Variants in PHLPP2 observed in about 807,000 individuals in gnomAD.
PHLPP2 encodes the protein PH domain and leucine rich repeat protein phosphatase 2.
A neutral mutation model predicts 124.9 loss-of-function variants in PHLPP2; 66 were observed. That is an observed-to-expected ratio of 0.53 (90% confidence interval 0.43 to 0.65). PHLPP2 has a LOEUF of 0.65. Ranked by LOEUF, PHLPP2 falls within the 30% of genes least tolerant of loss-of-function variation. The pLI is 0.00. For missense variants in PHLPP2, 1,685 were observed against 1,600.4 expected, an observed-to-expected ratio of 1.05 and a Z score of -0.90; for synonymous variants, 681 against 624.7, an observed-to-expected ratio of 1.09 and a Z score of -1.34.
chr16:71,646,295 A>G lies in PHLPP2; in HGVS notation c.*2595T>C, dbSNP rs746384000. On this transcript the variant is annotated 3_prime_UTR_variant, in exon 19 of 19. Transcript: ENST00000568954. Reference sequence around the variant, plus strand: ...TACAGAGCAACTGCAGAAGGACATGAATTAAAGCAGACTGCAAAAAAGAAT... The same window carrying G: ...TACAGAGCAACTGCAGAAGGACATGGATTAAAGCAGACTGCAAAAAAGAAT... 6.6e-6 allele frequency: 1 copy of G among 152,282 alleles called. No individual in the cohort carries two copies. The highest frequency in any genetic ancestry group is 2.4e-5 in the African/African-American group (1 of 41,476). The allele number at this position is 152,282 out of a possible 1,614,324, so 9.4% of individuals were successfully genotyped here. A position where few individuals can be genotyped will look rare whatever the true frequency, so the allele number is the denominator to read the frequency against.
Position 71,648,875 on chromosome 16 carries a change from T to C in PHLPP2, c.*15A>G. 3 of 1,595,676 alleles carry C rather than the reference T, an allele frequency of 1.9e-6. No individual in the cohort carries two copies. Among genetic ancestry groups the C allele is most frequent in the South Asian group, 2.2e-5 (2 of 90,358 alleles). On this transcript the variant is annotated 3_prime_UTR_variant, in exon 19 of 19. Transcript: ENST00000568954. ...CCCTGCACAGCCTCCTCCCACACTGTGCCCAGTGGGGCAGTCATAGTGCTG... is the reference window on the plus strand; with the variant it reads ...CCCTGCACAGCCTCCTCCCACACTGCGCCCAGTGGGGCAGTCATAGTGCTG...
rs999234620 is a variant in PHLPP2 at position 71,657,374 on chromosome 16, G to A, written c.2280-693C>T. Among the ~76,000 whole-genome samples the A allele has an allele frequency of 3.8e-4, 57 of 151,326 alleles. No homozygotes were observed. The Middle Eastern group carries it at 0.021, about 55-fold the overall frequency. On this transcript the variant is annotated intron_variant, in intron 15 of 18. Transcript: ENST00000568954. The stretch of plus-strand genomic sequence containing the variant: ...ATTACAGGCGTGAGCCACCACGCCC[G>A]GCCAACAATAATATTATCTTTTTTT...
At chr16:71,679,027 T>A in intron 7 of PHLPP2, 42 bp from the exon 8 acceptor site, 1 of 1,071,930 alleles carries the variant, frequency 9.3e-7, no homozygotes, top group Non-Finnish European at 1.4e-6. Flanking sequence ...ATGAAAGGTT[T>A]CACTGGAATG....
intron 18 of PHLPP2, 89 bp from the exon 19 acceptor site, chr16:71,650,133 A>T (rs2044686285): frequency 2.3e-6 from 2 of 880,202 alleles, no homozygotes; most frequent in Middle Eastern, 4.7e-4. Context: ...GGGAACTATA[A>T]TAAAACAATT....
At chr16:71,654,222 A>AAAAAAAAC (rs2044723362) in intron 17 of PHLPP2, among the ~76,000 whole-genome samples, 15 of 149,990 alleles carry the variant, frequency 1.0e-4, no homozygotes, top group Non-Finnish European at 1.3e-4. Flanking sequence ...AAAAAAAAAA[A>AAAAAAAAC]AAAAAACTAG....
chr16:71,656,751 A>G lies in PHLPP2; in HGVS notation c.2280-70T>C, dbSNP rs2044745339. The G allele has an allele frequency of 4.4e-6, 4 of 914,134 alleles. No individual in the cohort carries two copies. In the Admixed American group the frequency reaches 8.0e-5, roughly 18 times the overall value. The allele number at this position is 914,134 out of a possible 1,614,324, so 56.6% of individuals were successfully genotyped here. ...TTACAAAAACTATCCCAACAATAGT[A>G]TTCTTTTTTTTTTTTTGAGATGGAG... On this transcript the variant is annotated intron_variant, in intron 15 of 18. Transcript: ENST00000568954.
rs2045345478 is a variant in PHLPP2, at chr16:71,714,556, CT to C, written c.239del (p.Glu80GlyfsTer55). On this transcript the variant is annotated frameshift_variant, in exon 2 of 19. Transcript: ENST00000568954. LOFTEE classifies it high-confidence loss of function. Reference sequence around the variant, plus strand: ...GCTGTAAATAAAGACTTTCTCTTCCCTCTCCAGCACATATTTCTGATGCTGG... The same window carrying C: ...GCTGTAAATAAAGACTTTCTCTTCCCCTCCAGCACATATTTCTGATGCTGG... The part of the protein sequence containing the change: ...ETPASEICAG[E>X]GRESLYLQLH... 1.9e-6 allele frequency: 3 copies of C among 1,613,840 alleles called. No homozygotes were observed. Among genetic ancestry groups the C allele is most frequent in the Non-Finnish European group, 2.5e-6 (3 of 1,179,816 alleles).
At chr16:71,679,033 G>T in intron 7 of PHLPP2, 48 bp from the exon 8 acceptor site, 1 of 1,000,572 alleles carries the variant, frequency 1.0e-6, no homozygotes, top group Non-Finnish European at 1.6e-6. Flanking sequence ...GGTTTCACTG[G>T]AATGCACAGA....
At chr16:71,687,781 T>C (rs1434105209) in intron 4 of PHLPP2, among the ~76,000 whole-genome samples, 1 of 152,234 alleles carries the variant, frequency 6.6e-6, no homozygotes, top group African/African-American at 2.4e-5. Context: ...TCTTCACTTC[T>C]AGAAAATGTT....
chr16:71,717,086 TG>T (rs1181562063), intron 1 of PHLPP2, among the ~76,000 whole-genome samples: 2 of 152,222 alleles, frequency 1.3e-5, no homozygotes, highest in South Asian at 2.1e-4. Flanking sequence ...TGAACAAACT[TG>T]GGGGGGAAAA....
intron 3 of PHLPP2, among the ~76,000 whole-genome samples, chr16:71,693,998 G>C (rs1226971546): frequency 6.6e-6 from 1 of 152,126 alleles, no homozygotes; most frequent in Non-Finnish European, 1.5e-5. Flanking sequence ...TTCAAGACCA[G>C]TCTGGCCAAC....
intron 6 of PHLPP2, among the ~76,000 whole-genome samples, chr16:71,681,282 G>T (rs2044994996): frequency 6.6e-6 from 1 of 152,102 alleles, no homozygotes; most frequent in Non-Finnish European, 1.5e-5. Flanking sequence ...TAGTACTGTA[G>T]GGCTAAAATG....
rs1203187226 is a variant in PHLPP2 at position 71,714,764 on chromosome 16, T to G, written c.32A>C (p.Asn11Thr). Reference sequence around the variant, plus strand: ...TCGAGAACCAAACCTACTTCTCCTATTCAAACAATTTCTGCTCCCATTGCG... The same window carrying G: ...TCGAGAACCAAACCTACTTCTCCTAGTCAAACAATTTCTGCTCCCATTGCG... MKRNGSRNCLNRRSRFGSRER... is the reference protein window; with the variant it reads MKRNGSRNCLTRRSRFGSRER... Residue 11 changes from asparagine (N) to threonine (T), a missense_variant, in exon 2 of 19, where the codon AAT (asparagine) becomes ACT (threonine). By Grantham distance (65) the Asn-to-Thr change is moderately conservative. Transcript: ENST00000568954. 1 of 1,613,804 alleles carries G rather than the reference T, an allele frequency of 6.2e-7. No homozygotes were observed. Among genetic ancestry groups the G allele is most frequent in the Non-Finnish European group, 8.5e-7 (1 of 1,179,918 alleles).
chr16:71,667,111 T>C (rs2044845987), intron 12 of PHLPP2, 67 bp downstream of exon 12: 2 of 1,332,336 alleles, frequency 1.5e-6, no homozygotes, highest in Admixed American at 3.9e-5. Context: ...GTCACTCCAA[T>C]GATAAGTCAC....
intron 1 of PHLPP2, among the ~76,000 whole-genome samples, chr16:71,722,258 C>G (rs1469675446): frequency 2.0e-5 from 3 of 152,014 alleles, no homozygotes; most frequent in Non-Finnish European, 4.4e-5. Context: ...ATAGCGCAAC[C>G]CTGTCTCTAC....
In PHLPP2 at chr16:71,649,946, C is replaced by T. The variant is rs764710771; in HGVS notation, c.2916G>A (p.Pro972=). ...TCAGCAACTCATCTTGAATGGTCAG[C>T]GGAGTGGAAGATATGTGGGGCTTGG... ...ILPKPHISST[P]LTIQDELLIL... The change falls in exon 19 of 19, where the codon CCG becomes CCA. Residue 972 remains proline, a synonymous_variant. Coordinates refer to ENST00000568954, the MANE Select transcript of PHLPP2 (RefSeq NM_015020.3). 3.5e-5 allele frequency: 56 copies of T among 1,613,892 alleles called. No homozygotes were observed. Among genetic ancestry groups the T allele is most frequent in the Non-Finnish European group, 4.7e-5 (55 of 1,179,972 alleles).
Position 71,653,558 on chromosome 16 carries a change from G to A in PHLPP2, c.2586-537C>T, listed in dbSNP as rs77314461. ...TCCCCCATATGCAGGGCATCCACGCGTCTGTACTTGGAAACAATGTTAACG... is the reference window on the plus strand; with the variant it reads ...TCCCCCATATGCAGGGCATCCACGCATCTGTACTTGGAAACAATGTTAACG... On this transcript the variant is annotated intron_variant, in intron 17 of 18. Coordinates refer to ENST00000568954, the MANE Select transcript of PHLPP2 (RefSeq NM_015020.3). Among the ~76,000 whole-genome samples the A allele has an allele frequency of 3.8e-4, 58 of 152,210 alleles. No individual in the cohort carries two copies. The East Asian group carries it at 9.7e-3, about 25-fold the overall frequency.
intron 1 of PHLPP2, among the ~76,000 whole-genome samples, chr16:71,722,805 A>T (rs2045406685): frequency 6.6e-6 from 1 of 152,206 alleles, no homozygotes; most frequent in Non-Finnish European, 1.5e-5. Flanking sequence ...TTTGACCTAC[A>T]GAAAAATTTC....
intron 10 of PHLPP2, among the ~76,000 whole-genome samples, chr16:71,670,759 T>A (rs1312618104): frequency 2.3e-5 from 3 of 128,206 alleles, no homozygotes; most frequent in Admixed American, 8.6e-5. Flanking sequence ...AGGAGGACAA[T>A]AATGACGACG....
Sources: allele counts gnomAD v4.1 joint callset (sites outside exome capture counted in the v4.1 genomes callset), GRCh38; gene constraint gnomAD v4.1.1; transcripts MANE v1.5; gene names NCBI Gene and HGNC (gene_info 2026-07-23, HGNC 2026-07-21).